Variants in ZNF683 observed in about 807,000 individuals in gnomAD.
ZNF683 encodes zinc finger protein 683, also known as tissue-resident T-cell transcription regulator protein ZNF683.
In ZNF683, 20 loss-of-function variants were observed where a neutral mutation model predicts 31.4. That is an observed-to-expected ratio of 0.64 (90% CI 0.45 to 0.93). The LOEUF (loss-of-function observed/expected upper bound fraction) is 0.93. Among genes scored for constraint, ZNF683 ranks in the 40% least tolerant of loss-of-function variants. The probability of loss-of-function intolerance (pLI) is 0.00; values close to 1 mark genes in which losing one functional copy is unlikely to be tolerated. For synonymous variants in ZNF683, 264 were observed against 267.6 expected, an observed-to-expected ratio of 0.99 and a Z score of 0.13; for missense variants, 621 against 637.2, an observed-to-expected ratio of 0.97 and a Z score of 0.27.
chr1:26,367,666 C>G lies in ZNF683; in HGVS notation c.246G>C (p.Leu82=), dbSNP rs2074558000. The G allele has an allele frequency of 1.2e-6, 2 of 1,612,808 alleles. No homozygotes were observed. The highest frequency in any genetic ancestry group is 1.7e-6 in the Non-Finnish European group (2 of 1,179,706). ...ALLACLQDLD[L]NLCTPQPAPL... is the part of the protein sequence containing the mutation. ...GTGCCGGCTGTGGGGTGCACAGGTT[C>G]AGGTCCAGGTCCTGTAGGCAGGCCA... is the stretch of plus-strand genomic sequence containing the variant. The change falls in exon 3 of 6, where the codon CTG becomes CTC. Residue 82 remains leucine (L), a synonymous_variant. Transcript: ENST00000349618.
chr1:26,368,250 A>G (rs1297964330), intron 2 of ZNF683, among the ~76,000 whole-genome samples: 1 of 152,226 alleles, frequency 6.6e-6, no homozygotes, highest in Non-Finnish European at 1.5e-5. Context: ...TCCGCTTCTT[A>G]TTCCCCACAG....
At position 26,361,787 on chromosome 1, in the gene ZNF683, G is replaced by A. The variant is rs766122135; in HGVS notation, c.1379C>T (p.Ala460Val). Reference protein sequence around the residue: ...QWHQGALDLMAVASEKHMGYD... With the variant: ...QWHQGALDLMVVASEKHMGYD... ...GCCCATGTGTTTCTCAGATGCCACC[G>A]CCATAAGATCTAGTGCCCCCTGGTG... Residue 460 changes from alanine (A) to valine (V), a missense_variant, in exon 6 of 6, where the codon GCG becomes GTG. Physicochemically the swap from Ala to Val is moderately conservative, Grantham distance 64. Coordinates refer to ENST00000349618, the MANE Select transcript of ZNF683 (RefSeq NM_001114759.3). 1.4e-5 allele frequency: 23 copies of A among 1,613,898 alleles called. No homozygotes were observed. Among genetic ancestry groups the A allele is most frequent in the East Asian group, 2.2e-5 (1 of 44,894 alleles).
In ZNF683 at chr1:26,368,411, A is replaced by G. The variant is rs760521113; in HGVS notation, c.114+47T>C. 10 of 1,503,894 alleles carry G rather than the reference A, an allele frequency of 6.6e-6. No individual in the cohort carries two copies. The African/African-American group carries it at 1.3e-4, about 19-fold the overall frequency. The allele number at this position is 1,503,894 out of a possible 1,614,324, so 93.2% of individuals were successfully genotyped here. A position where few individuals can be genotyped will look rare whatever the true frequency, so the allele number is the denominator to read the frequency against. On this transcript the variant is annotated intron_variant, in intron 2 of 5. Transcript: ENST00000349618. ...CTTTTTCCTCCTAATGTCACCTCCT[A>G]CTATAAGCAGACTACCCACAAAGGT...
chr1:26,374,304 T>C (rs7520030), upstream of ZNF683: 1,301,819 of 1,304,172 alleles, frequency 1, 649,763 homozygotes, highest in East Asian at 1. Context: ...CCAGCTGTGC[T>C]CCCTCCTGGC....
intron 2 of ZNF683, 28 bp from the exon 3 acceptor site, chr1:26,367,825 G>T: frequency 2.6e-6 from 4 of 1,514,824 alleles, no homozygotes; most frequent in Admixed American, 2.1e-5. Context: ...GGGGCTTGGG[G>T]GCTGGTGACT....
In ZNF683 at chr1:26,365,147, C is replaced by T; in HGVS notation, c.399G>A (p.Lys133=). The T allele has an allele frequency of 6.2e-7, 1 of 1,609,992 alleles. No homozygotes were observed. Among genetic ancestry groups the T allele is most frequent in the Non-Finnish European group, 8.5e-7 (1 of 1,178,170 alleles). Residue 133 remains lysine, a synonymous_variant, in exon 4 of 6, where the codon AAG becomes AAA. Transcript: ENST00000349618. ...FTVKYPQNKD[K]LGKQPERAGE... is the part of the protein sequence containing the mutation. ...CAGCTCTTTCTGGCTGTTTTCCCAG[C>T]TTGTCCTTGTTCTGTGGGTACTTGA...
At chr1:26,374,355 C>T, upstream of ZNF683, 1 of 1,296,730 alleles carries the variant, frequency 7.7e-7, no homozygotes, top group African/African-American at 1.5e-5. Flanking sequence ...TTTGCACAAC[C>T]TCTCTGTTAG....
rs11583897 is a variant in ZNF683, at chr1:26,361,690, G to T, written c.1476C>A (p.Ala492=). ...CCTGCCCCATCACCAGGGGAGTCCC[G>T]GCACTGCTCAGGCTCACTGCTCTTG... The part of the protein sequence containing the change: ...GKARAVSLSS[A]GTPLVMGQDQ... Residue 492 remains alanine (A), a synonymous_variant, in exon 6 of 6, where the codon GCC becomes GCA. Transcript: ENST00000349618. 1.2e-6 allele frequency: 2 copies of T among 1,613,754 alleles called. No individual in the cohort carries two copies. The highest frequency in any genetic ancestry group is 1.3e-5 in the African/African-American group (1 of 75,012).
At chr1:26,372,825 G>A (rs1412661295), upstream of ZNF683, 15 of 1,179,492 alleles carry the variant, frequency 1.3e-5, no homozygotes, top group Non-Finnish European at 1.6e-5. Flanking sequence ...GACATCACAG[G>A]GCATGGAGGC....
chr1:26,372,746 A>C lies in ZNF683; in HGVS notation c.-92T>G. 3 of 1,216,610 alleles carry C rather than the reference A, an allele frequency of 2.5e-6. No homozygotes were observed. The highest frequency in any genetic ancestry group is 3.1e-6 in the Non-Finnish European group (3 of 953,998). 75.4% of individuals were successfully genotyped at this position (1,216,610 alleles called of 1,614,324 possible). A position where few individuals can be genotyped will look rare whatever the true frequency, so the allele number is the denominator to read the frequency against. On this transcript the variant is annotated 5_prime_UTR_variant, in exon 1 of 6. Transcript: ENST00000349618. ...TCTGCTCAGGTTCCTCAGTTAGAAGACCATGGTCCTCCCTTTGTGCTACCT... is the reference window on the plus strand; with the variant it reads ...TCTGCTCAGGTTCCTCAGTTAGAAGCCCATGGTCCTCCCTTTGTGCTACCT...
chr1:26,364,308 C>A (rs2074459801), intron 4 of ZNF683, among the ~76,000 whole-genome samples: 1 of 152,106 alleles, frequency 6.6e-6, no homozygotes, highest in Non-Finnish European at 1.5e-5. Context: ...CCCATTTTAA[C>A]CTAAATGAGA....
chr1:26,363,510 G>C (rs1043756181), intron 4 of ZNF683, among the ~76,000 whole-genome samples: 4 of 152,180 alleles, frequency 2.6e-5, no homozygotes, highest in Non-Finnish European at 5.9e-5. Flanking sequence ...TCTCGTGGCT[G>C]TAATCCCAGC....
chr1:26,365,330 G>A (rs2074497286), intron 3 of ZNF683, 104 bp from the exon 4 acceptor site: 12 of 1,184,496 alleles, frequency 1.0e-5, no homozygotes, highest in Admixed American at 2.8e-5. Context: ...TCCAGCCTGC[G>A]AGCCTGCTAG....
upstream of ZNF683, chr1:26,374,404 G>T: frequency 1.6e-6 from 2 of 1,242,534 alleles, no homozygotes; most frequent in Non-Finnish European, 2.1e-6. Flanking sequence ...AGATTTCCAG[G>T]TCTCCAATCC....
rs377618868 is a variant in ZNF683, at chr1:26,364,232, A to C, written c.1014+300T>G. ...GCCCAGAGCAAATGTTGAGAGACTA[A>C]ACCTAACACTACCGTTAAATCGGGG... is the stretch of plus-strand genomic sequence containing the variant. On this transcript the variant is annotated intron_variant, in intron 4 of 5. Transcript: ENST00000349618. Among the ~76,000 whole-genome samples, 105 of 152,342 alleles carry C rather than the reference A, an allele frequency of 6.9e-4. No individual in the cohort carries two copies. The East Asian group carries it at 0.013, about 20-fold the overall frequency.
At chr1:26,367,530 A>G in intron 3 of ZNF683, 63 bp downstream of exon 3, 1 of 1,442,792 alleles carries the variant, frequency 6.9e-7, no homozygotes, top group Non-Finnish European at 9.2e-7. Context: ...CCCCAAACCT[A>G]GCAGTGCCCC....
In ZNF683 at chr1:26,367,812, C is replaced by A; in HGVS notation, c.115-15G>T. On this transcript the variant is annotated splice_polypyrimidine_tract_variant and intron_variant, in intron 2 of 5. Transcript: ENST00000349618. ...GCTGAGAAGACCTGGAGGGCAGGGG[C>A]AAGGGGCTTGGGGGCTGGTGACTGG... 6.4e-7 allele frequency: 1 copy of A among 1,550,488 alleles called. No individual in the cohort carries two copies. The highest frequency in any genetic ancestry group is 8.7e-7 in the Non-Finnish European group (1 of 1,143,998).
chr1:26,362,905 C>T (rs2074419197), intron 5 of ZNF683, 121 bp downstream of exon 5: 1 of 1,349,316 alleles, frequency 7.4e-7, no homozygotes, highest in Admixed American at 2.2e-5. Context: ...TTTCACTCCC[C>T]CTTCCCATCT....
At chr1:26,363,683 C>T (rs1210486332) in intron 4 of ZNF683, among the ~76,000 whole-genome samples, 1 of 147,716 alleles carries the variant, frequency 6.8e-6, no homozygotes, top group African/African-American at 2.5e-5. Context: ...TGGGAGAATC[C>T]CTTAAGCCCA....
Sources: allele counts gnomAD v4.1 joint callset (sites outside exome capture counted in the v4.1 genomes callset), GRCh38; gene constraint gnomAD v4.1.1; transcripts MANE v1.5; gene names NCBI Gene and HGNC (gene_info 2026-07-23, HGNC 2026-07-21).